The following CNTNAP2 variants were observed in gnomAD, a reference collection of about 807,000 sequenced individuals.
CNTNAP2 encodes contactin associated protein 2, also known as contactin-associated protein-like 2.
A neutral mutation model predicts 155.2 loss-of-function variants in CNTNAP2; 98 were observed. The observed-to-expected ratio is 0.63, with a 90% CI of 0.54 to 0.75. The LOEUF (loss-of-function observed/expected upper bound fraction) is 0.75. CNTNAP2 is among the 30% of genes least tolerant of loss of function. The probability of loss-of-function intolerance (pLI) is 0.00; values close to 1 mark genes in which losing one functional copy is unlikely to be tolerated. For missense variants in CNTNAP2, 1,727 were observed against 1,688.1 expected, an observed-to-expected ratio of 1.02 and a Z score of -0.40; for synonymous variants, 651 against 631.2, an observed-to-expected ratio of 1.03 and a Z score of -0.47.
intron 1 of CNTNAP2, among the ~76,000 whole-genome samples, chr7:146,572,218 A>G (rs532212258): frequency 6.6e-6 from 1 of 151,854 alleles, no homozygotes; most frequent in Non-Finnish European, 1.5e-5. Flanking sequence ...TAGAGCTGCC[A>G]AAACGTATTT....
intron 1 of CNTNAP2, among the ~76,000 whole-genome samples, chr7:146,125,685 A>G (rs931591425): frequency 2.0e-5 from 3 of 151,914 alleles, no homozygotes; most frequent in Non-Finnish European, 4.4e-5. Flanking sequence ...GGGTATTAAC[A>G]TTGCTTCTAC....
intron 1 of CNTNAP2, among the ~76,000 whole-genome samples, chr7:146,135,494 G>A (rs1373879405): frequency 6.6e-6 from 1 of 152,086 alleles, no homozygotes; most frequent in Non-Finnish European, 1.5e-5. Flanking sequence ...GAATGGAGAA[G>A]CACCTCTTAT....
At position 147,097,061 on chromosome 7, in the gene CNTNAP2, T is replaced by C. The variant is rs556001217; in HGVS notation, c.551-11086T>C. Among the ~76,000 whole-genome samples the C allele has an allele frequency of 2.0e-5, 3 of 152,330 alleles. No individual in the cohort carries two copies. In the East Asian group the frequency reaches 5.8e-4, roughly 29 times the overall value. On this transcript the variant is annotated intron_variant, in intron 4 of 23. Coordinates refer to ENST00000361727, the MANE Select transcript of CNTNAP2 (RefSeq NM_014141.6). ...AATTGTTGTAATATATTGCACCATA[T>C]GCATAACCTCAAAAGATACTGCACA...
At chr7:146,512,530 T>A (rs2129135689) in intron 1 of CNTNAP2, among the ~76,000 whole-genome samples, 1 of 151,938 alleles carries the variant, frequency 6.6e-6, no homozygotes, top group South Asian at 2.1e-4. Context: ...TTGTCCTAAC[T>A]TTTTCATTGG....
chr7:147,525,380 C>T (rs372544963), intron 11 of CNTNAP2, among the ~76,000 whole-genome samples: 3 of 151,892 alleles, frequency 2.0e-5, no homozygotes, highest in African/African-American at 7.3e-5. Flanking sequence ...TATAAGTGGG[C>T]AAAGACAAGG....
intron 22 of CNTNAP2, among the ~76,000 whole-genome samples, chr7:148,399,258 G>A (rs866740541): frequency 6.6e-6 from 1 of 152,102 alleles, no homozygotes; most frequent in African/African-American, 2.4e-5. Context: ...CAGTAAGAAT[G>A]TTTTGTCAAA....
intron 1 of CNTNAP2, among the ~76,000 whole-genome samples, chr7:146,447,020 AG>A (rs1796411829): frequency 6.6e-6 from 1 of 152,030 alleles, no homozygotes; most frequent in African/African-American, 2.4e-5. Flanking sequence ...TTTGCTTTAA[AG>A]ATATCTATTA....
Position 148,380,005 on chromosome 7 carries a change from G to T in CNTNAP2, c.3476-3644G>T, listed in dbSNP as rs1034695870. Among the ~76,000 whole-genome samples the T allele has an allele frequency of 4.6e-5, 7 of 152,170 alleles. 1 individual carries two copies. The highest frequency in any genetic ancestry group is 1.0e-4 in the Non-Finnish European group (7 of 68,042). ...ACTGTCATGAGCATTTCATTTTAAC[G>T]TATTACCCGGAATTGTGTCAGTGTT... On this transcript the variant is annotated intron_variant, in intron 21 of 23. Transcript: ENST00000361727.
intron 9 of CNTNAP2, among the ~76,000 whole-genome samples, chr7:147,376,319 T>G (rs1300276352): frequency 2.0e-5 from 3 of 151,880 alleles, no homozygotes; most frequent in African/African-American, 7.3e-5. Flanking sequence ...GACAGGAGAC[T>G]ATCATACAAC....
chr7:146,610,330 C>CT (rs1799115707), intron 1 of CNTNAP2, among the ~76,000 whole-genome samples: 3 of 152,142 alleles, frequency 2.0e-5, no homozygotes, highest in African/African-American at 7.2e-5. Context: ...TTTTGGAAGA[C>CT]TTGACATGGC....
intron 2 of CNTNAP2, among the ~76,000 whole-genome samples, chr7:146,829,398 T>C (rs1186104377): frequency 6.6e-6 from 1 of 152,036 alleles, no homozygotes; most frequent in South Asian, 2.1e-4. Context: ...AACAAACATA[T>C]TGTATAAGGA....
chr7:147,035,543 TTA>T (rs1204750419), intron 3 of CNTNAP2, among the ~76,000 whole-genome samples: 3 of 152,232 alleles, frequency 2.0e-5, no homozygotes, highest in African/African-American at 7.2e-5. Flanking sequence ...CAGAGTCATT[TTA>T]TGTTTTAAGC....
intron 4 of CNTNAP2, among the ~76,000 whole-genome samples, chr7:147,069,010 G>A (rs1308773447): frequency 6.6e-6 from 1 of 152,168 alleles, no homozygotes; most frequent in African/African-American, 2.4e-5. Flanking sequence ...CAGAAGGCAA[G>A]GGAAATCTGT....
chr7:147,514,603 A>T (rs942192933), intron 11 of CNTNAP2, among the ~76,000 whole-genome samples: 6 of 146,996 alleles, frequency 4.1e-5, no homozygotes, highest in Non-Finnish European at 9.0e-5. Context: ...TAAGATTCTT[A>T]GAAAGTGAGA....
In CNTNAP2 at chr7:146,393,516, T is replaced by C. The variant is rs146513196; in HGVS notation, c.97+276543T>C. Among the ~76,000 whole-genome samples the C allele has an allele frequency of 7.2e-4, 110 of 152,254 alleles. 1 individual carries two copies. In the East Asian group the frequency reaches 0.012, roughly 17 times the overall value. ...TGAATTATGGTTCACCTTTACACCA[T>C]TTTATCCCTGCTTTGCTGATATAGA... On this transcript the variant is annotated intron_variant, in intron 1 of 23. Transcript: ENST00000361727.
chr7:146,958,444 CACTCTG>C (rs981936592), intron 3 of CNTNAP2, among the ~76,000 whole-genome samples: 1 of 115,340 alleles, frequency 8.7e-6, no homozygotes, highest in African/African-American at 3.3e-5. Context: ...GACGGAGTCT[CACTCTG>C]TTGCCCAGGT....
intron 8 of CNTNAP2, chr7:147,167,278 C>G: frequency 5.1e-6 from 2 of 390,668 alleles, no homozygotes. Context: ...GTTGATTTTT[C>G]TTTAACGTTT....
intron 2 of CNTNAP2, among the ~76,000 whole-genome samples, chr7:146,788,564 A>C (rs1186747507): frequency 6.6e-6 from 1 of 152,178 alleles, no homozygotes; most frequent in African/African-American, 2.4e-5. Flanking sequence ...CAAAATAGCA[A>C]AGGATGTTAC....
At chr7:146,316,434 G>A (rs962197073) in intron 1 of CNTNAP2, among the ~76,000 whole-genome samples, 7 of 151,926 alleles carry the variant, frequency 4.6e-5, no homozygotes, top group African/African-American at 9.7e-5. Flanking sequence ...TCACTGTTTG[G>A]GATCCTGATG....
Sources: gnomAD v4.1 joint callset for allele counts (sites outside exome capture counted in the v4.1 genomes callset) on GRCh38, gnomAD v4.1.1 for gene constraint, MANE v1.5 for transcripts, NCBI Gene and HGNC (gene_info 2026-07-23, HGNC 2026-07-21) for gene names.